The following LSAMP variants were observed in gnomAD, a reference collection of about 807,000 sequenced individuals.
The protein encoded by LSAMP is limbic system-associated membrane protein.
LSAMP carries 7 observed loss-of-function variants against 38.6 expected under a neutral mutation model. That is an observed-to-expected ratio of 0.18 (90% CI 0.10 to 0.34). The LOEUF (loss-of-function observed/expected upper bound fraction) is 0.34, where lower values mean the gene tolerates loss of function less well. LSAMP is among the 10% of genes least tolerant of loss of function. LSAMP has a pLI of 1.00. For synonymous variants in LSAMP, 154 were observed against 166.8 expected (o/e 0.92, Z 0.59); for missense variants, 313 against 420.0 (o/e 0.75, Z 2.23).
chr3:115,923,212 T>C (rs1937422289), intron 3 of LSAMP, among the ~76,000 whole-genome samples: 1 of 152,136 alleles, frequency 6.6e-6, no homozygotes, highest in South Asian at 2.1e-4. Context: ...AACCAATCAT[T>C]TGGGCAGCCT....
chr3:116,384,574 T>G (rs1190129478), intron 1 of LSAMP, among the ~76,000 whole-genome samples: 2 of 151,942 alleles, frequency 1.3e-5, no homozygotes, highest in Non-Finnish European at 2.9e-5. Context: ...GGATACAGAG[T>G]GAGGTGGGAT....
At chr3:115,932,930 C>T (rs889957559) in intron 3 of LSAMP, among the ~76,000 whole-genome samples, 13 of 151,988 alleles carry the variant, frequency 8.6e-5, no homozygotes, top group South Asian at 4.2e-4. Flanking sequence ...ACAGTGGGTA[C>T]GCAGTGGAAA....
intron 3 of LSAMP, among the ~76,000 whole-genome samples, chr3:115,884,639 T>A (rs1012774131): frequency 6.6e-5 from 10 of 151,928 alleles, no homozygotes; most frequent in African/African-American, 1.9e-4. Flanking sequence ...TGTAAAGATA[T>A]TGCAAATATC....
chr3:116,308,460 A>C (rs1280595398), intron 1 of LSAMP, among the ~76,000 whole-genome samples: 1 of 152,072 alleles, frequency 6.6e-6, no homozygotes, highest in Admixed American at 6.6e-5. Context: ...TGAATGAATG[A>C]ATGCAAGGTA....
chr3:115,901,005 A>G (rs1936859974), intron 3 of LSAMP, among the ~76,000 whole-genome samples: 2 of 152,124 alleles, frequency 1.3e-5, no homozygotes, highest in South Asian at 4.2e-4. Context: ...CTCCACCAAC[A>G]CATATTCTCC....
intron 1 of LSAMP, among the ~76,000 whole-genome samples, chr3:116,342,290 T>C (rs2048006557): frequency 6.6e-6 from 1 of 152,160 alleles, no homozygotes; most frequent in African/African-American, 2.4e-5. Flanking sequence ...ATTACCCCAC[T>C]CTTTAGACTA....
chr3:116,364,161 A>G (rs2048325784), intron 1 of LSAMP, among the ~76,000 whole-genome samples: 1 of 57,206 alleles, frequency 1.7e-5, no homozygotes, highest in Non-Finnish European at 3.0e-5. Context: ...AACTTCAGCA[A>G]AGTCTCAGGA....
At chr3:115,971,550 A>T (rs749851525) in intron 3 of LSAMP, among the ~76,000 whole-genome samples, 6 of 152,114 alleles carry the variant, frequency 3.9e-5, no homozygotes, top group Non-Finnish European at 8.8e-5. Context: ...CTTGAAACCT[A>T]ATTATTATTT....
At chr3:115,943,272 C>T (rs1576241415) in intron 3 of LSAMP, among the ~76,000 whole-genome samples, 1 of 152,102 alleles carries the variant, frequency 6.6e-6, no homozygotes, top group African/African-American at 2.4e-5. Context: ...GGTCTATTCT[C>T]ATGTCTCCTG....
chr3:115,854,630 A>G (rs1291787191), intron 3 of LSAMP, among the ~76,000 whole-genome samples: 1 of 152,190 alleles, frequency 6.6e-6, no homozygotes, highest in African/African-American at 2.4e-5. Flanking sequence ...AATGTAGTAG[A>G]GAAGAAAACA....
intron 1 of LSAMP, among the ~76,000 whole-genome samples, chr3:116,396,428 A>G (rs2107819794): frequency 6.6e-6 from 1 of 152,256 alleles, no homozygotes; most frequent in Middle Eastern, 3.4e-3. Flanking sequence ...TTCTCTAAGG[A>G]CCTTCCCCTG....
chr3:116,388,036 G>A (rs1389587593), intron 1 of LSAMP, among the ~76,000 whole-genome samples: 3 of 152,044 alleles, frequency 2.0e-5, no homozygotes, highest in Admixed American at 6.6e-5. Context: ...CCTGGGAGGC[G>A]GAGCTTGTGT....
intron 3 of LSAMP, among the ~76,000 whole-genome samples, chr3:115,954,069 A>G (rs560209812): frequency 6.6e-6 from 1 of 152,136 alleles, no homozygotes; most frequent in Admixed American, 6.5e-5. Context: ...TATCTTGTTT[A>G]TTTGTTTTTT....
At chr3:116,299,011 T>C (rs1486937291) in intron 1 of LSAMP, among the ~76,000 whole-genome samples, 1 of 152,202 alleles carries the variant, frequency 6.6e-6, no homozygotes, top group Non-Finnish European at 1.5e-5. Context: ...AAAAAAGATA[T>C]ATTTTTGGCC....
intron 1 of LSAMP, among the ~76,000 whole-genome samples, chr3:116,314,616 T>C (rs1045936549): frequency 2.0e-5 from 3 of 152,264 alleles, no homozygotes; most frequent in Admixed American, 2.0e-4. Context: ...CAGAATATAG[T>C]TATGGGTTTA....
intron 1 of LSAMP, among the ~76,000 whole-genome samples, chr3:116,168,560 C>T (rs1710118353): frequency 6.6e-6 from 1 of 152,172 alleles, no homozygotes; most frequent in Non-Finnish European, 1.5e-5. Flanking sequence ...GCATTTCCTT[C>T]TGCTTTTTCT....
chr3:116,274,211 A>G (rs908191537), intron 1 of LSAMP, among the ~76,000 whole-genome samples: 6 of 152,132 alleles, frequency 3.9e-5, no homozygotes, highest in African/African-American at 1.2e-4. Context: ...GCAAACATAT[A>G]GTTTCTATTT....
At chr3:115,853,525 C>T (rs550979156) in intron 3 of LSAMP, among the ~76,000 whole-genome samples, 202 of 152,120 alleles carry the variant, frequency 1.3e-3, no homozygotes, top group African/African-American at 4.7e-3. Context: ...TTTAAATTCC[C>T]CTATGTGGAG....
At chr3:116,328,309 A>G (rs2107737744) in intron 1 of LSAMP, among the ~76,000 whole-genome samples, 1 of 152,314 alleles carries the variant, frequency 6.6e-6, no homozygotes, top group African/African-American at 2.4e-5. Context: ...CAAGCCTGAC[A>G]CTGATGATGG....
Sources: allele counts gnomAD v4.1 joint callset (sites outside exome capture counted in the v4.1 genomes callset), GRCh38; gene constraint gnomAD v4.1.1; transcripts MANE v1.5; gene names NCBI Gene and HGNC (gene_info 2026-07-23, HGNC 2026-07-21).